DNAH5: variants seen among roughly 807,000 people sequenced by gnomAD.
DNAH5 encodes the protein dynein axonemal heavy chain 5, also known as axonemal beta dynein heavy chain 5.
DNAH5 carries 372 observed loss-of-function variants against 518.2 expected under a neutral mutation model. The ratio of observed to expected loss-of-function variants is 0.72; its 90% CI spans 0.66 to 0.78. The LOEUF is 0.78. DNAH5 is among the 30% of genes least tolerant of loss of function. The pLI, the probability that DNAH5 is intolerant of heterozygous loss-of-function variation, is 0.00. For missense variants in DNAH5, 5,523 were observed against 5,687.0 expected, an observed-to-expected ratio of 0.97 and a Z score of 0.93; for synonymous variants, 2,039 against 2,025.9, an observed-to-expected ratio of 1.01 and a Z score of -0.17.
At chr5:13,931,279 T>G in intron 1 of DNAH5, 35 bp from the exon 2 acceptor site, 2 of 1,613,494 alleles carry the variant, frequency 1.2e-6, no homozygotes, top group Non-Finnish European at 1.7e-6. Context: ...ACATGGAAAC[T>G]GCTGTTCTCA....
At chr5:13,822,720 G>C (rs529395814) in intron 40 of DNAH5, among the ~76,000 whole-genome samples, 1 of 152,296 alleles carries the variant, frequency 6.6e-6, no homozygotes, top group East Asian at 1.9e-4. Flanking sequence ...ACTATAAAAA[G>C]TTAAAGCTGC....
intron 53 of DNAH5, among the ~76,000 whole-genome samples, chr5:13,778,539 G>GAAAGAAAGA (rs781056550): frequency 4.1e-5 from 3 of 73,906 alleles, no homozygotes; most frequent in African/African-American, 1.6e-4. Flanking sequence ...GAGAGAGAGA[G>GAAAGAAAGA]AAGAAAGAAA....
chr5:13,977,878 G>A (rs377668101), intron 1 of DNAH5, among the ~76,000 whole-genome samples: 1 of 152,148 alleles, frequency 6.6e-6, no homozygotes, highest in African/African-American at 2.4e-5. Flanking sequence ...TGGCCACTGG[G>A]AAAGAGTCTC....
chr5:13,850,819 T>C lies in DNAH5; in HGVS notation c.4951-4A>G, dbSNP rs1181975457. 7.4e-6 allele frequency: 12 copies of C among 1,613,928 alleles called. No homozygotes were observed. The highest frequency in any genetic ancestry group is 5.3e-5 in the African/African-American group (4 of 74,936). ...TGTTAGAAAACCGCTTGGCTTCCTATGAGAACAAGGTAACAAAGCACACTT... is the reference window on the plus strand; with the variant it reads ...TGTTAGAAAACCGCTTGGCTTCCTACGAGAACAAGGTAACAAAGCACACTT... On this transcript the variant is annotated splice_polypyrimidine_tract_variant and splice_region_variant and intron_variant, in intron 30 of 78. Transcript: ENST00000265104.
chr5:14,002,496 T>C (rs1784431008), intron 1 of DNAH5, among the ~76,000 whole-genome samples: 1 of 152,150 alleles, frequency 6.6e-6, no homozygotes. Flanking sequence ...ATTTAGTAAC[T>C]TCAACGAGAA....
chr5:14,002,570 G>A (rs1333419247), intron 1 of DNAH5, among the ~76,000 whole-genome samples: 1 of 151,878 alleles, frequency 6.6e-6, no homozygotes, highest in African/African-American at 2.4e-5. Context: ...ATAGTATTCT[G>A]TAAACAATGT....
chr5:14,007,652 A>T (rs935091693), intron 1 of DNAH5, among the ~76,000 whole-genome samples: 11 of 152,204 alleles, frequency 7.2e-5, no homozygotes, highest in Admixed American at 4.6e-4. Flanking sequence ...GAATCTGACA[A>T]CTATCACATG....
chr5:13,922,087 A>C lies in DNAH5; in HGVS notation c.660+20T>G. On this transcript the variant is annotated intron_variant, in intron 5 of 78. Transcript: ENST00000265104. ...TTGACCACCTGATCATTTTTAAAGG[A>C]ACAGCTTATTCGTCCTCACCTTCTC... 6.2e-7 allele frequency: 1 copy of C among 1,612,606 alleles called. No individual in the cohort carries two copies. Among genetic ancestry groups the C allele is most frequent in the Non-Finnish European group, 8.5e-7 (1 of 1,179,040 alleles).
At position 13,911,419 on chromosome 5, in the gene DNAH5, G is replaced by A. The variant is rs367877988; in HGVS notation, c.1611C>T (p.Tyr537=). 1.5e-5 allele frequency: 24 copies of A among 1,613,866 alleles called. No homozygotes were observed. Among genetic ancestry groups the A allele is most frequent in the African/African-American group, 1.2e-4 (9 of 74,998 alleles). ...DQRKMDFDQD[Y]EEFCKQTNDL... ...CATTAGTCTGCTTGCAAAACTCTTC[G>A]TAATCTTGGTCAAAATCCATTTTCC... Residue 537 remains tyrosine (Y), a synonymous_variant, in exon 12 of 79, where the codon TAC becomes TAT. Transcript: ENST00000265104.
chr5:13,794,762 G>A (rs1457908991), intron 47 of DNAH5, among the ~76,000 whole-genome samples: 2 of 152,044 alleles, frequency 1.3e-5, no homozygotes, highest in African/African-American at 2.4e-5. Context: ...TCAGGAGATC[G>A]AGACCATCCT....
intron 22 of DNAH5, 109 bp from the exon 23 acceptor site, chr5:13,871,874 T>C (rs1412256902): frequency 3.1e-6 from 3 of 980,496 alleles, no homozygotes; most frequent in Non-Finnish European, 4.7e-6. Context: ...ATTAAAATGT[T>C]TAGTGAACTG....
At chr5:13,789,696 A>G (rs1756643607) in intron 50 of DNAH5, among the ~76,000 whole-genome samples, 1 of 152,240 alleles carries the variant, frequency 6.6e-6, no homozygotes, top group Non-Finnish European at 1.5e-5. Context: ...GATAACATCA[A>G]TTGCTGGAAT....
chr5:13,844,569 A>AAATCATGAATTTT (rs1396641105), intron 32 of DNAH5, among the ~76,000 whole-genome samples: 2 of 152,228 alleles, frequency 1.3e-5, no homozygotes, highest in Non-Finnish European at 2.9e-5. Context: ...TTACTAGTTA[A>AAATCATGAATTTT]CTTGGTGTGT....
intron 65 of DNAH5, among the ~76,000 whole-genome samples, chr5:13,740,272 C>A (rs1237241463): frequency 6.6e-6 from 1 of 152,062 alleles, no homozygotes; most frequent in Non-Finnish European, 1.5e-5. Context: ...CTAAACAGGT[C>A]TCCCTACCCC....
intron 1 of DNAH5, chr5:13,932,290 T>G (rs1307520689): frequency 6.6e-6 from 1 of 152,182 alleles, no homozygotes; most frequent in African/African-American, 2.4e-5. Flanking sequence ...CAGGGGCATT[T>G]ATGGGTCTAC....
Position 13,830,232 on chromosome 5 carries a change from T to A in DNAH5, c.6062-19A>T, listed in dbSNP as rs756506353. The A allele has an allele frequency of 1.9e-6, 3 of 1,608,670 alleles. No individual in the cohort carries two copies. Among genetic ancestry groups the A allele is most frequent in the Non-Finnish European group, 2.6e-6 (3 of 1,175,446 alleles). Reference sequence around the variant, plus strand: ...GCCAGTCCTTCGAAAGGAAATTAAATGAAAAATCCAATTAGTATATAATTT... The same window carrying A: ...GCCAGTCCTTCGAAAGGAAATTAAAAGAAAAATCCAATTAGTATATAATTT... On this transcript the variant is annotated intron_variant, in intron 36 of 78. Transcript: ENST00000265104.
In DNAH5 at chr5:13,886,087, A is replaced by G; in HGVS notation, c.2620T>C (p.Ser874Pro). The G allele has an allele frequency of 1.2e-6, 2 of 1,605,524 alleles. No homozygotes were observed. The highest frequency in any genetic ancestry group is 1.7e-6 in the Non-Finnish European group (2 of 1,177,368). Residue 874 changes from serine (S) to proline (P), a missense_variant, in exon 18 of 79, where the codon TCA becomes CCA. Around this residue, in one of 3 missense-constraint regions of DNAH5, gnomAD observed 5,121 missense variants for 5,223.3 expected, o/e 0.98. Transcript: ENST00000265104. Reference protein sequence around the residue: ...NGAQILHFKSSLVEEAVNELV... With the variant: ...NGAQILHFKSPLVEEAVNELV... ...TCATTGACTGCCTCCTCCACTAATG[A>G]GCTTTTAAAATGTAGTATTTGTGCA... is the stretch of plus-strand genomic sequence containing the variant.
Position 13,765,873 on chromosome 5 carries a change from T to C in DNAH5, c.10101+103A>G. ...AAAGTTTTACTCTGAAAAAATCATGTATGTAGAGTAAGTTCTTTTTTTAGA... is the reference window on the plus strand; with the variant it reads ...AAAGTTTTACTCTGAAAAAATCATGCATGTAGAGTAAGTTCTTTTTTTAGA... On this transcript the variant is annotated intron_variant, in intron 59 of 78. Transcript: ENST00000265104. 3 of 1,151,668 alleles carry C rather than the reference T, an allele frequency of 2.6e-6. No homozygotes were observed. In the South Asian group the frequency reaches 3.7e-5, roughly 14 times the overall value. 71.3% of individuals were successfully genotyped at this position (1,151,668 alleles called of 1,614,324 possible). A position where few individuals can be genotyped will look rare whatever the true frequency, so the allele number is the denominator to read the frequency against.
intron 43 of DNAH5, among the ~76,000 whole-genome samples, chr5:13,812,440 G>A (rs893511585): frequency 6.6e-6 from 1 of 152,002 alleles, no homozygotes; most frequent in African/African-American, 2.4e-5. Context: ...CAAGCAGCTG[G>A]GACCACAAGT....
Sources: allele counts gnomAD v4.1 joint callset (sites outside exome capture counted in the v4.1 genomes callset), GRCh38; gene constraint gnomAD v4.1.1; regional missense constraint gnomAD v4.1.1; transcripts MANE v1.5; gene names NCBI Gene and HGNC (gene_info 2026-07-23, HGNC 2026-07-21).